COL22A1: variants seen among roughly 807,000 people sequenced by gnomAD.
COL22A1 encodes the protein collagen alpha-1(XXII) chain.
In COL22A1, 221 loss-of-function variants were observed where a neutral mutation model predicts 248.9. That is an observed-to-expected ratio of 0.89 (90% CI 0.80 to 0.99). COL22A1 has a LOEUF of 0.99. Among genes scored for constraint, COL22A1 ranks in the 50% least tolerant of loss-of-function variants. The pLI is 0.00. For missense variants in COL22A1, 2,240 were observed against 2,179.0 expected, an observed-to-expected ratio of 1.03 and a Z score of -0.56; for synonymous variants, 891 against 793.4, an observed-to-expected ratio of 1.12 and a Z score of -2.07.
intron 3 of COL22A1, among the ~76,000 whole-genome samples, chr8:138,861,303 A>G (rs1290486743): frequency 1.3e-5 from 2 of 152,206 alleles, no homozygotes; most frequent in African/African-American, 4.8e-5. Flanking sequence ...GGCTTTCCCC[A>G]TAGCTACACA....
intron 63 of COL22A1, among the ~76,000 whole-genome samples, chr8:138,593,259 C>A (rs1587619109): frequency 6.6e-6 from 1 of 152,052 alleles, no homozygotes; most frequent in Admixed American, 6.5e-5. Context: ...GGACAAATAC[C>A]TAATGCATGC....
At chr8:138,731,127 C>A (rs1196522489) in intron 23 of COL22A1, among the ~76,000 whole-genome samples, 1 of 151,918 alleles carries the variant, frequency 6.6e-6, no homozygotes, top group African/African-American at 2.4e-5. Flanking sequence ...CATGGAGAAA[C>A]CCCATCTCTA....
At chr8:138,861,525 C>T (rs897735337) in intron 3 of COL22A1, among the ~76,000 whole-genome samples, 15 of 152,208 alleles carry the variant, frequency 9.9e-5, no homozygotes, top group Non-Finnish European at 1.5e-4. Flanking sequence ...CGCAGCGCCG[C>T]CTTCTGGGGC....
intron 3 of COL22A1, among the ~76,000 whole-genome samples, chr8:138,851,830 C>T (rs1586889571): frequency 6.6e-6 from 1 of 152,208 alleles, no homozygotes. Flanking sequence ...AAGTGACAAG[C>T]TCGCTGTCCT....
In COL22A1 at chr8:138,705,257, G is replaced by A. The variant is rs543371666; in HGVS notation, c.2518-1910C>T. Among the ~76,000 whole-genome samples the A allele has an allele frequency of 1.1e-4, 16 of 152,232 alleles. No individual in the cohort carries two copies. The South Asian group carries it at 2.9e-3, about 28-fold the overall frequency. The stretch of plus-strand genomic sequence containing the variant: ...CCCCAACTTAGCGAGGCAGGCCAAC[G>A]TTCAAATTCAGGAAATACAGAGAAC... On this transcript the variant is annotated intron_variant, in intron 30 of 64. Coordinates refer to ENST00000303045, the MANE Select transcript of COL22A1 (RefSeq NM_152888.3).
chr8:138,743,762 C>G (rs557083108), intron 22 of COL22A1, among the ~76,000 whole-genome samples: 2 of 152,076 alleles, frequency 1.3e-5, no homozygotes, highest in African/African-American at 4.8e-5. Context: ...TGTAATTTAT[C>G]AAGAGGGCAG....
intron 12 of COL22A1, among the ~76,000 whole-genome samples, chr8:138,788,573 C>T (rs1181677772): frequency 1.3e-5 from 2 of 152,236 alleles, no homozygotes; most frequent in South Asian, 4.2e-4. Flanking sequence ...TTTATGTTGG[C>T]CTCCTGGAAC....
intron 3 of COL22A1, among the ~76,000 whole-genome samples, chr8:138,863,216 A>C (rs1586913697): frequency 2.0e-5 from 3 of 152,338 alleles, no homozygotes; most frequent in Middle Eastern, 6.8e-3. Flanking sequence ...TCCAAGCAAC[A>C]AAACCTTGTG....
intron 10 of COL22A1, among the ~76,000 whole-genome samples, chr8:138,806,174 A>AGGT (rs1563788941): frequency 8.0e-5 from 1 of 12,544 alleles, no homozygotes; most frequent in Admixed American, 8.9e-4. Context: ...GTGATGGTGT[A>AGGT]AGTAATGGTG....
chr8:138,626,437 A>AG (rs1364624911), intron 50 of COL22A1, among the ~76,000 whole-genome samples, 194 bp from the exon 51 acceptor site: 1 of 152,224 alleles, frequency 6.6e-6, no homozygotes, highest in Non-Finnish European at 1.5e-5. Context: ...GGCTGAGCAT[A>AG]GCCACCCCTG....
At chr8:138,823,566 C>T (rs1291167603) in intron 6 of COL22A1, among the ~76,000 whole-genome samples, 7 of 152,156 alleles carry the variant, frequency 4.6e-5, no homozygotes, top group African/African-American at 7.2e-5. Flanking sequence ...CCACCATGCC[C>T]AGCTAATCTT....
At chr8:138,660,259 G>A (rs762136716) in intron 44 of COL22A1, among the ~76,000 whole-genome samples, 177 bp downstream of exon 44, 3 of 152,192 alleles carry the variant, frequency 2.0e-5, no homozygotes, top group Non-Finnish European at 4.4e-5. Flanking sequence ...TGGTGGTAAC[G>A]ACTTCCCACT....
intron 30 of COL22A1, 60 bp from the exon 31 acceptor site, chr8:138,703,407 G>C: frequency 6.8e-7 from 1 of 1,463,280 alleles, no homozygotes; most frequent in Admixed American, 1.7e-5. Context: ...TGCTTATGCT[G>C]CAACAGATCA....
At chr8:138,664,590 C>T (rs559102198) in intron 41 of COL22A1, among the ~76,000 whole-genome samples, 57 of 152,226 alleles carry the variant, frequency 3.7e-4, no homozygotes, top group Non-Finnish European at 1.8e-4. Context: ...CCTGTACACA[C>T]CCTGCCTAAG....
chr8:138,660,893 C>CAG (rs1823810496), intron 43 of COL22A1, among the ~76,000 whole-genome samples: 4 of 14,926 alleles, frequency 2.7e-4, no homozygotes, highest in Admixed American at 2.4e-3. Flanking sequence ...CATACACAGA[C>CAG]ACACAAACAC....
In COL22A1 at chr8:138,882,004, A is replaced by T. The variant is rs142958182; in HGVS notation, c.91+1078T>A. On this transcript the variant is annotated intron_variant, in intron 2 of 64. Transcript: ENST00000303045. ...GTCAACTTTCCCAACTACCGGGTCT[A>T]CTACATAAACACGCTTTTCTCACTG... Among the ~76,000 whole-genome samples, 818 of 152,184 alleles carry T rather than the reference A, an allele frequency of 5.4e-3. 7 individuals carry two copies. The highest frequency in any genetic ancestry group is 0.019 in the African/African-American group (784 of 41,510).
At chr8:138,882,374 TCA>T (rs920679983) in intron 2 of COL22A1, among the ~76,000 whole-genome samples, 1 of 147,178 alleles carries the variant, frequency 6.8e-6, no homozygotes, top group Non-Finnish European at 1.5e-5. Flanking sequence ...TCACACACTC[TCA>T]CACTCCCTCA....
chr8:138,590,096 A>G (rs1489480279), intron 64 of COL22A1, among the ~76,000 whole-genome samples: 2 of 152,126 alleles, frequency 1.3e-5, no homozygotes, highest in African/African-American at 4.8e-5. Context: ...TTCACTTAGT[A>G]AGCATCATGA....
chr8:138,689,003 T>G, intron 36 of COL22A1, 33 bp from the exon 37 acceptor site: 1 of 1,584,894 alleles, frequency 6.3e-7, no homozygotes, highest in Non-Finnish European at 8.7e-7. Flanking sequence ...CATGGTGAAT[T>G]TAAAGATGAC....
Sources: gnomAD v4.1 joint callset for allele counts (sites outside exome capture counted in the v4.1 genomes callset) on GRCh38, gnomAD v4.1.1 for gene constraint, MANE v1.5 for transcripts, NCBI Gene and HGNC (gene_info 2026-07-23, HGNC 2026-07-21) for gene names.